The following PCCA variants were observed in gnomAD, a reference collection of about 807,000 sequenced individuals.
PCCA encodes the protein propionyl-CoA carboxylase subunit alpha.
In PCCA, 74 loss-of-function variants were observed where a neutral mutation model predicts 101.3. That is an observed-to-expected ratio of 0.73 (90% CI 0.61 to 0.89). The LOEUF (loss-of-function observed/expected upper bound fraction) is 0.89, where lower values mean the gene tolerates loss of function less well. PCCA is among the 40% of genes least tolerant of loss of function. PCCA has a pLI of 0.00. For missense variants in PCCA, 891 were observed against 907.0 expected, an observed-to-expected ratio of 0.98 and a Z score of 0.23; for synonymous variants, 294 against 313.6, an observed-to-expected ratio of 0.94 and a Z score of 0.66.
At chr13:100,524,858 C>T (rs948835038) in intron 22 of PCCA, among the ~76,000 whole-genome samples, 3 of 151,718 alleles carry the variant, frequency 2.0e-5, no homozygotes, top group Admixed American at 6.6e-5. Flanking sequence ...GGCAACAGAC[C>T]GAGATTCTGT....
chr13:100,189,350 C>T (rs1424195497), intron 6 of PCCA, among the ~76,000 whole-genome samples: 1 of 152,158 alleles, frequency 6.6e-6, no homozygotes, highest in East Asian at 1.9e-4. Flanking sequence ...AGTAAACATA[C>T]GTGTGCATGT....
At chr13:100,223,489 G>A (rs1329336160) in intron 7 of PCCA, among the ~76,000 whole-genome samples, 1 of 152,058 alleles carries the variant, frequency 6.6e-6, no homozygotes, top group Non-Finnish European at 1.5e-5. Flanking sequence ...TTGTGGTCTC[G>A]CTGGCTTCAG....
chr13:100,102,726 T>G (rs930776143), intron 1 of PCCA, among the ~76,000 whole-genome samples, 157 bp from the exon 2 acceptor site: 1 of 152,218 alleles, frequency 6.6e-6, no homozygotes, highest in African/African-American at 2.4e-5. Context: ...TCTGTAGATA[T>G]GATTTCCCTT....
At chr13:100,227,298 A>G (rs956581842) in intron 7 of PCCA, among the ~76,000 whole-genome samples, 3 of 152,174 alleles carry the variant, frequency 2.0e-5, no homozygotes, top group East Asian at 3.8e-4. Flanking sequence ...TCTTAACTGC[A>G]AGGCTTGGTT....
chr13:100,525,899 T>C (rs941781185), intron 22 of PCCA, among the ~76,000 whole-genome samples: 20 of 151,590 alleles, frequency 1.3e-4, no homozygotes, highest in African/African-American at 4.4e-4. Flanking sequence ...AGCGGGAGAG[T>C]GGATTCCTCA....
chr13:100,288,441 C>T (rs904886140), intron 12 of PCCA, among the ~76,000 whole-genome samples: 1 of 152,186 alleles, frequency 6.6e-6, no homozygotes, highest in Non-Finnish European at 1.5e-5. Context: ...GGACTACAGG[C>T]ATGCATCACC....
chr13:100,268,543 T>A, intron 10 of PCCA, 146 bp from the exon 11 acceptor site: 1 of 743,136 alleles, frequency 1.3e-6, no homozygotes, highest in Non-Finnish European at 2.5e-6. Context: ...TTTGTTAACA[T>A]GAATCAAAAT....
intron 8 of PCCA, chr13:100,236,958 C>T (rs1431182213): frequency 2.6e-5 from 4 of 152,150 alleles, no homozygotes; most frequent in African/African-American, 4.8e-5. Flanking sequence ...TTAGGCAATG[C>T]TTGTAGGGAT....
intron 1 of PCCA, among the ~76,000 whole-genome samples, chr13:100,093,873 A>C (rs1332524323): frequency 6.6e-6 from 1 of 152,168 alleles, no homozygotes; most frequent in Non-Finnish European, 1.5e-5. Context: ...CAGGAGGTCA[A>C]GGCTGCAGTG....
At chr13:100,428,259 G>C (rs1301158620) in intron 20 of PCCA, among the ~76,000 whole-genome samples, 3 of 151,690 alleles carry the variant, frequency 2.0e-5, no homozygotes, top group Non-Finnish European at 4.4e-5. Context: ...GTAGAGATGA[G>C]GCCTCACTAT....
intron 7 of PCCA, among the ~76,000 whole-genome samples, chr13:100,212,378 C>T (rs1408675665): frequency 6.6e-6 from 1 of 152,160 alleles, no homozygotes; most frequent in Non-Finnish European, 1.5e-5. Flanking sequence ...GACTATGTGA[C>T]TCACAAAGCC....
intron 7 of PCCA, among the ~76,000 whole-genome samples, chr13:100,216,197 G>T (rs555744937): frequency 4.7e-4 from 71 of 151,834 alleles, no homozygotes; most frequent in African/African-American, 1.7e-3. Flanking sequence ...ATCTAAGGAA[G>T]TGGCAGGACA....
At chr13:100,457,646 C>T (rs1232713457) in intron 21 of PCCA, among the ~76,000 whole-genome samples, 1 of 152,144 alleles carries the variant, frequency 6.6e-6, no homozygotes, top group African/African-American at 2.4e-5. Flanking sequence ...TCGCACCTGC[C>T]CTTTGATCTG....
intron 6 of PCCA, among the ~76,000 whole-genome samples, chr13:100,174,392 A>G (rs1049144894): frequency 1.3e-5 from 2 of 150,204 alleles, no homozygotes; most frequent in South Asian, 2.1e-4. Context: ...AATGTTTTAT[A>G]GTATAATATT....
chr13:100,167,966 C>A (rs2055225605), intron 6 of PCCA, among the ~76,000 whole-genome samples: 1 of 152,106 alleles, frequency 6.6e-6, no homozygotes, highest in Admixed American at 6.6e-5. Flanking sequence ...TTGTCCACAC[C>A]CCCTTTCATT....
intron 2 of PCCA, among the ~76,000 whole-genome samples, chr13:100,110,111 C>A (rs771957179): frequency 6.6e-6 from 1 of 151,938 alleles, no homozygotes; most frequent in African/African-American, 2.4e-5. Flanking sequence ...CCAGCCTGGG[C>A]GACAGAGTGA....
chr13:100,109,014 A>G (rs1305914152), intron 2 of PCCA, among the ~76,000 whole-genome samples: 1 of 152,202 alleles, frequency 6.6e-6, no homozygotes, highest in Non-Finnish European at 1.5e-5. Context: ...AACAGAGAAG[A>G]TGTGTCAGGT....
intron 6 of PCCA, 137 bp from the exon 7 acceptor site, chr13:100,209,195 G>A: frequency 1.4e-6 from 1 of 715,032 alleles, no homozygotes; most frequent in Non-Finnish European, 2.4e-6. Context: ...ATTTTAATGT[G>A]TTGGCTCAAA....
chr13:100,303,000 T>TCCG lies in PCCA; in HGVS notation c.1284+2_1284+3insCCG. ...CAAGAACCGTTACATCTACCTGGTG[T>TCCG]AAGTCATTAAGCTGTAATACCAGCT... is the stretch of plus-strand genomic sequence containing the variant. On this transcript the variant is annotated splice_region_variant and intron_variant, in intron 14 of 23. Coordinates refer to ENST00000376285, the MANE Select transcript of PCCA (RefSeq NM_000282.4). The TCCG allele has an allele frequency of 6.5e-7, 1 of 1,540,182 alleles. No homozygotes were observed. Among genetic ancestry groups the TCCG allele is most frequent in the Non-Finnish European group, 9.0e-7 (1 of 1,112,664 alleles).
Sources: allele counts gnomAD v4.1 joint callset (sites outside exome capture counted in the v4.1 genomes callset), GRCh38; gene constraint gnomAD v4.1.1; transcripts MANE v1.5; gene names NCBI Gene and HGNC (gene_info 2026-07-23, HGNC 2026-07-21).